Variants in ZNF385D observed in about 807,000 individuals in gnomAD.
The protein encoded by ZNF385D is zinc finger protein 659.
In ZNF385D, 15 loss-of-function variants were observed where a neutral mutation model predicts 35.8. The ratio of observed to expected loss-of-function variants is 0.42; its 90% CI spans 0.28 to 0.64. The LOEUF (loss-of-function observed/expected upper bound fraction) is 0.64. Ranked by LOEUF, ZNF385D falls within the 30% of genes least tolerant of loss-of-function variation. The probability of loss-of-function intolerance (pLI) is 0.23; values close to 1 mark genes in which losing one functional copy is unlikely to be tolerated. For synonymous variants in ZNF385D, 212 were observed against 186.8 expected, an observed-to-expected ratio of 1.13 and a Z score of -1.10; for missense variants, 474 against 494.6, an observed-to-expected ratio of 0.96 and a Z score of 0.39.
At chr3:21,559,513 T>C (rs779977111) in intron 3 of ZNF385D, among the ~76,000 whole-genome samples, 3 of 152,200 alleles carry the variant, frequency 2.0e-5, no homozygotes, top group Non-Finnish European at 2.9e-5. Flanking sequence ...CTTGTAGGGT[T>C]TCTGCAGAGA....
rs912530747 is a variant in ZNF385D, at chr3:21,822,924, A to G, written c.326-157896T>C. On this transcript the variant is annotated intron_variant, in intron 3 of 5. Coordinates refer to the ZNF385D transcript ENST00000494108. ...CAGAGATATGGGCATATAGTATAAAACTGTAAATTAAAAAAAGCAAATGAA... is the reference window on the plus strand; with the variant it reads ...CAGAGATATGGGCATATAGTATAAAGCTGTAAATTAAAAAAAGCAAATGAA... Among the ~76,000 whole-genome samples the G allele has an allele frequency of 9.8e-5, 15 of 152,296 alleles. No homozygotes were observed. In the East Asian group the frequency reaches 2.9e-3, roughly 29 times the overall value.
intron 2 of ZNF385D, among the ~76,000 whole-genome samples, chr3:22,294,138 C>T (rs73132700): frequency 0.029 from 4,416 of 151,862 alleles, 136 homozygotes; most frequent in African/African-American, 0.074. Context: ...CTTAATATTG[C>T]ATTATGTACC....
chr3:21,751,413 A>G (rs1035906263), upstream of ZNF385D: 17 of 1,009,770 alleles, frequency 1.7e-5, no homozygotes, highest in African/African-American at 2.9e-4. Context: ...ACACAGGAAC[A>G]CACAGGAGAA....
chr3:21,804,141 G>A (rs994213291), intron 3 of ZNF385D, among the ~76,000 whole-genome samples: 4 of 152,170 alleles, frequency 2.6e-5, no homozygotes, highest in African/African-American at 9.7e-5. Context: ...TTGTGCATAT[G>A]TTTTATCCAC....
chr3:22,303,261 G>A (rs1559508317), intron 2 of ZNF385D, among the ~76,000 whole-genome samples: 1 of 152,104 alleles, frequency 6.6e-6, no homozygotes, highest in Non-Finnish European at 1.5e-5. Context: ...TTACTTCACA[G>A]TAAACTGGTT....
At chr3:21,728,920 G>A (rs192621566) in intron 1 of ZNF385D, among the ~76,000 whole-genome samples, 1 of 152,280 alleles carries the variant, frequency 6.6e-6, no homozygotes, top group African/African-American at 2.4e-5. Flanking sequence ...TTTGAGCACA[G>A]CTATCTTTCT....
intron 1 of ZNF385D, among the ~76,000 whole-genome samples, chr3:21,721,266 T>A (rs936628472): frequency 6.6e-6 from 1 of 152,042 alleles, no homozygotes; most frequent in African/African-American, 2.4e-5. Flanking sequence ...TTTAAGATTC[T>A]TACCTTCAGG....
chr3:21,953,509 G>T (rs1365724649), intron 3 of ZNF385D, among the ~76,000 whole-genome samples: 2 of 151,880 alleles, frequency 1.3e-5, no homozygotes, highest in African/African-American at 4.8e-5. Context: ...ATACTTCTAA[G>T]AAAAGTTTTA....
intron 3 of ZNF385D, among the ~76,000 whole-genome samples, chr3:22,144,937 G>A (rs62248891): frequency 0.18 from 26,953 of 151,922 alleles, 3,068 homozygotes; most frequent in Non-Finnish European, 0.25. Flanking sequence ...ATTTAGACAT[G>A]TAACACTTCC....
intron 3 of ZNF385D, among the ~76,000 whole-genome samples, chr3:21,881,113 G>A (rs1465091755): frequency 6.6e-6 from 1 of 151,962 alleles, no homozygotes. Flanking sequence ...AGAAGCTTCA[G>A]CAAGTGATCC....
chr3:22,230,750 A>G (rs1698838968), intron 2 of ZNF385D, among the ~76,000 whole-genome samples: 1 of 152,172 alleles, frequency 6.6e-6, no homozygotes, highest in Non-Finnish European at 1.5e-5. Flanking sequence ...AAAATCCAGA[A>G]AAGTTTATAG....
At chr3:22,293,983 C>T (rs1028852239) in intron 2 of ZNF385D, among the ~76,000 whole-genome samples, 1 of 151,714 alleles carries the variant, frequency 6.6e-6, no homozygotes, top group African/African-American at 2.4e-5. Context: ...GAATTTTCTT[C>T]TCCAGGCATG....
intron 3 of ZNF385D, among the ~76,000 whole-genome samples, chr3:21,833,429 G>A (rs188211614): frequency 3.9e-5 from 6 of 152,234 alleles, no homozygotes; most frequent in Admixed American, 3.9e-4. Flanking sequence ...AGGTGGGAAG[G>A]CTGAATGCCA....
chr3:22,186,174 G>C (rs1291684505), intron 2 of ZNF385D, among the ~76,000 whole-genome samples: 1 of 151,958 alleles, frequency 6.6e-6, no homozygotes, highest in Non-Finnish European at 1.5e-5. Context: ...TTTTCTTTAG[G>C]AACTTCAAAA....
intron 2 of ZNF385D, among the ~76,000 whole-genome samples, chr3:22,228,922 G>T (rs780407724): frequency 6.6e-5 from 10 of 152,212 alleles, no homozygotes; most frequent in South Asian, 2.1e-4. Context: ...CCAATTGTTT[G>T]CCCAGGAGCT....
intron 2 of ZNF385D, among the ~76,000 whole-genome samples, chr3:22,351,076 T>C (rs747613413): frequency 2.0e-5 from 3 of 152,102 alleles, no homozygotes; most frequent in Non-Finnish European, 4.4e-5. Flanking sequence ...CAATTCACAT[T>C]GGTTCTTACA....
At chr3:22,036,888 G>A (rs1468279112) in intron 3 of ZNF385D, among the ~76,000 whole-genome samples, 1 of 113,388 alleles carries the variant, frequency 8.8e-6, no homozygotes, top group Non-Finnish European at 1.7e-5. Context: ...ACAGGCCCCA[G>A]TGTGTGATGT....
intron 1 of ZNF385D, among the ~76,000 whole-genome samples, chr3:21,717,874 G>A (rs989957710): frequency 2.6e-5 from 4 of 152,176 alleles, no homozygotes; most frequent in Admixed American, 2.6e-4. Context: ...TCTCAGGTAT[G>A]TCTTTATTAA....
rs554107065 is a variant in ZNF385D at position 21,715,206 on chromosome 3, G to A, written c.22+35689C>T. On this transcript the variant is annotated intron_variant, in intron 1 of 7. Transcript: ENST00000281523. ...ATCCATCACCTGAATAATGTACAGT[G>A]TACTCATTAAGTATTTTTTCCTCAT... is the stretch of plus-strand genomic sequence containing the variant. Among the ~76,000 whole-genome samples the A allele has an allele frequency of 5.9e-5, 9 of 152,176 alleles. 1 individual carries two copies. Among genetic ancestry groups the A allele is most frequent in the African/African-American group, 1.9e-4 (8 of 41,530 alleles).
Sources: allele counts gnomAD v4.1 joint callset (sites outside exome capture counted in the v4.1 genomes callset), GRCh38; gene constraint gnomAD v4.1.1; transcripts MANE v1.5; gene names NCBI Gene and HGNC (gene_info 2026-07-23, HGNC 2026-07-21).